Variants in SAXO1 observed in about 807,000 individuals in gnomAD.
The protein encoded by SAXO1 is 4930500O09Rik.
In SAXO1, 21 loss-of-function variants were observed where a neutral mutation model predicts 17.5. The observed-to-expected ratio is 1.20, with a 90% CI of 0.85 to 1.72. The LOEUF (loss-of-function observed/expected upper bound fraction) is 1.72. Among genes scored for constraint, SAXO1 ranks in the 40% most tolerant of loss-of-function variants. The pLI, the probability that SAXO1 is intolerant of heterozygous loss-of-function variation, is 0.00. For synonymous variants in SAXO1, 274 were observed against 216.5 expected (o/e 1.27, Z -2.33); for missense variants, 843 against 596.0 (o/e 1.41, Z -4.32).
intron 1 of SAXO1, among the ~76,000 whole-genome samples, chr9:19,008,621 T>G (rs1266841797): frequency 1.3e-5 from 2 of 152,202 alleles, no homozygotes; most frequent in Non-Finnish European, 2.9e-5. Context: ...CTCTTTTTCC[T>G]TAGCAAAACA....
intron 1 of SAXO1, among the ~76,000 whole-genome samples, chr9:18,971,103 T>G (rs935679209): frequency 2.6e-5 from 4 of 152,092 alleles, no homozygotes; most frequent in Admixed American, 2.6e-4. Flanking sequence ...CCCATACCTT[T>G]TCCTACCTGA....
chr9:18,941,493 A>C lies in SAXO1; in HGVS notation c.421+144T>G, dbSNP rs960881854. The C allele has an allele frequency of 2.0e-5, 17 of 831,424 alleles. No individual in the cohort carries two copies. In the African/African-American group the frequency reaches 2.6e-4, roughly 13 times the overall value. 51.5% of individuals were successfully genotyped at this position (831,424 alleles called of 1,614,324 possible). ...TCTTCTTAGCTCTCCAGCTATACAA[A>C]AACAGGCTGCTGGCCAGATCTGGCC... On this transcript the variant is annotated intron_variant, in intron 3 of 3. Coordinates refer to ENST00000380534, the MANE Select transcript of SAXO1 (RefSeq NM_153707.4).
intron 1 of SAXO1, among the ~76,000 whole-genome samples, chr9:18,967,266 C>G (rs1045518026): frequency 1.3e-4 from 20 of 152,210 alleles, no homozygotes; most frequent in African/African-American, 4.6e-4. Flanking sequence ...TAGCAGAGCT[C>G]GACAGCTGTC....
Position 18,928,857 on chromosome 9 carries a change from T to C in SAXO1, c.620A>G (p.Tyr207Cys). 1.9e-6 allele frequency: 3 copies of C among 1,614,140 alleles called. No homozygotes were observed. The highest frequency in any genetic ancestry group is 2.2e-5 in the South Asian group (2 of 91,078). Residue 207 changes from tyrosine to cysteine, a missense_variant, in exon 4 of 4, where the codon TAC (tyrosine) becomes TGC (cysteine). Tyr to Cys is a radical substitution (Grantham distance 194). Coordinates refer to ENST00000380534, the MANE Select transcript of SAXO1 (RefSeq NM_153707.4). Reference protein sequence around the residue: ...CNIPLEDVTNYKMSYVAHPVE... With the variant: ...CNIPLEDVTNCKMSYVAHPVE... ...GGGGTGGGCCACATAGCTCATCTTG[T>C]AGTTAGTCACATCCTCCAAGGGGAT...
At chr9:19,012,159 T>C (rs1360092945) in intron 1 of SAXO1, among the ~76,000 whole-genome samples, 1 of 152,198 alleles carries the variant, frequency 6.6e-6, no homozygotes, top group Non-Finnish European at 1.5e-5. Context: ...AGATTTTTTT[T>C]AATGAGAGAG....
Position 19,032,872 on chromosome 9 carries a change from C to A in SAXO1, c.37G>T (p.Gly13Trp). The A allele has an allele frequency of 6.2e-7, 1 of 1,610,396 alleles. No individual in the cohort carries two copies. Among genetic ancestry groups the A allele is most frequent in the Non-Finnish European group, 8.5e-7 (1 of 1,179,638 alleles). ...TKCICELCSC[G>W]RHHCPHLPTK... is the part of the protein sequence containing the mutation. ...TTGCCCTGGGCGTGGCCACCTTACC[C>A]GCAGGAGCACAGTTCACAGATGCAC... is the stretch of plus-strand genomic sequence containing the variant. Residue 13 changes from glycine to tryptophan, a missense_variant and splice_region_variant, in exon 1 of 4, where the codon GGG becomes TGG. Transcript: ENST00000380534.
At chr9:19,029,585 A>T (rs1433993626) in intron 1 of SAXO1, among the ~76,000 whole-genome samples, 1 of 151,940 alleles carries the variant, frequency 6.6e-6, no homozygotes, top group Non-Finnish European at 1.5e-5. Context: ...GGTGGGAGGG[A>T]TTTAATTGGG....
intron 1 of SAXO1, among the ~76,000 whole-genome samples, chr9:18,978,849 G>A (rs748877755): frequency 2.8e-4 from 43 of 151,958 alleles, no homozygotes; most frequent in Non-Finnish European, 2.9e-4. Context: ...CACCAAAACC[G>A]TATCAATCCC....
At chr9:19,046,884 A>T (rs554631278) in intron 1 of SAXO1, among the ~76,000 whole-genome samples, 35 of 151,954 alleles carry the variant, frequency 2.3e-4, no homozygotes, top group East Asian at 1.6e-3. Context: ...AATTTAAAAA[A>T]TTTTTTTAAA....
upstream of SAXO1, among the ~76,000 whole-genome samples, chr9:19,034,471 G>A (rs1460208596): frequency 1.3e-5 from 2 of 152,150 alleles, no homozygotes; most frequent in Non-Finnish European, 1.5e-5. Flanking sequence ...CAGTGTCTGT[G>A]AATAAAGTTT....
intron 1 of SAXO1, among the ~76,000 whole-genome samples, chr9:19,031,027 G>T (rs921239354): frequency 1.3e-5 from 2 of 152,172 alleles, no homozygotes; most frequent in Non-Finnish European, 2.9e-5. Flanking sequence ...GCTTCCAATG[G>T]AAAGTGACTC....
upstream of SAXO1, among the ~76,000 whole-genome samples, chr9:19,033,511 C>T (rs1257316550): frequency 2.0e-5 from 3 of 152,250 alleles, no homozygotes; most frequent in Non-Finnish European, 4.4e-5. Context: ...ATGGTGCCCC[C>T]TCTTAGGGGA....
At chr9:18,995,146 C>A (rs1281424384) in intron 1 of SAXO1, among the ~76,000 whole-genome samples, 2 of 152,176 alleles carry the variant, frequency 1.3e-5, no homozygotes, top group Non-Finnish European at 2.9e-5. Context: ...CCTCCCTTTT[C>A]TCCCCCCAAA....
intron 1 of SAXO1, among the ~76,000 whole-genome samples, chr9:19,043,121 A>C (rs1022734489): frequency 1.5e-4 from 23 of 151,982 alleles, no homozygotes; most frequent in African/African-American, 5.1e-4. Context: ...GCAGTGAACC[A>C]AGACTGCACC....
intron 1 of SAXO1, among the ~76,000 whole-genome samples, chr9:19,002,656 C>T (rs1588511597): frequency 6.6e-6 from 1 of 152,170 alleles, no homozygotes; most frequent in Admixed American, 6.5e-5. Context: ...ATGATTATCT[C>T]AATAGATGCA....
At chr9:19,027,502 A>C in intron 1 of SAXO1, 1 of 860,010 alleles carries the variant, frequency 1.2e-6, no homozygotes, top group Non-Finnish European at 2.0e-6. Flanking sequence ...CCAACATCCA[A>C]AAGGGGTGCT....
chr9:18,976,650 G>A (rs753341905), intron 1 of SAXO1, among the ~76,000 whole-genome samples: 6 of 152,122 alleles, frequency 3.9e-5, no homozygotes, highest in East Asian at 3.9e-4. Flanking sequence ...CACTCTTTAC[G>A]AGGTTAATTG....
rs557825753 is a variant in SAXO1 at position 19,004,103 on chromosome 9, T to C, written c.38+28768A>G. 3.3e-5 allele frequency among the ~76,000 whole-genome samples: 5 copies of C among 152,200 alleles called. No homozygotes were observed. In the South Asian group the frequency reaches 8.3e-4, roughly 25 times the overall value. On this transcript the variant is annotated intron_variant, in intron 1 of 3. Transcript: ENST00000380534. ...TGAACAGACACTCCTCAAAAGAAGA[T>C]ATTTATGCAGCCAACAGACATATGA...
In SAXO1 at chr9:18,928,994, C is replaced by T; in HGVS notation, c.483G>A (p.Gln161=). ...TGTTATCAAACCTGACTGATGCCGG[C>T]TGGTATTTGTGTTCCAGACGAAGTG... is the stretch of plus-strand genomic sequence containing the variant. ...REPLRLEHKY[Q]PASVRFDNRT... The change falls in exon 4 of 4, where the codon CAG becomes CAA. Residue 161 remains glutamine, a synonymous_variant. Coordinates refer to ENST00000380534, the MANE Select transcript of SAXO1 (RefSeq NM_153707.4). 2 of 1,614,188 alleles carry T rather than the reference C, an allele frequency of 1.2e-6. No homozygotes were observed. Among genetic ancestry groups the T allele is most frequent in the Non-Finnish European group, 1.7e-6 (2 of 1,180,030 alleles).
Sources: gnomAD v4.1 joint callset for allele counts (sites outside exome capture counted in the v4.1 genomes callset) on GRCh38, gnomAD v4.1.1 for gene constraint, MANE v1.5 for transcripts, NCBI Gene and HGNC (gene_info 2026-07-23, HGNC 2026-07-21) for gene names.